PPL: variants seen among roughly 807,000 people sequenced by gnomAD.
PPL encodes the protein 190 kDa paraneoplastic pemphigus antigen.
Under a neutral mutation model 194.4 loss-of-function variants are expected in PPL, and 198 were observed. That is an observed-to-expected ratio of 1.02 (90% CI 0.91 to 1.15). PPL has a LOEUF of 1.15. Ranked by LOEUF, PPL falls within the 50% of genes most tolerant of loss-of-function variation. The probability of loss-of-function intolerance (pLI) is 0.00; values close to 1 mark genes in which losing one functional copy is unlikely to be tolerated. For synonymous variants in PPL, 1,220 were observed against 972.4 expected (o/e 1.25, Z -4.74); for missense variants, 2,885 against 2,294.8 (o/e 1.26, Z -5.25).
intron 3 of PPL, 144 bp downstream of exon 3, chr16:4,903,742 T>A: frequency 2.3e-6 from 2 of 868,186 alleles, no homozygotes; most frequent in Non-Finnish European, 3.5e-6. Context: ...AAAGAAAGGA[T>A]CATGTGAAGC....
At position 4,884,039 on chromosome 16, in the gene PPL, C is replaced by T. The variant is rs1055936921; in HGVS notation, c.4616G>A (p.Arg1539Gln). ...SKRELDVEVS[R>Q]LEARLSELEF... ...CAGCTCCGAAAGCCTGGCTTCCAGC[C>T]GGCTCACCTCGACGTCCAGCTCGCG... is the stretch of plus-strand genomic sequence containing the variant. Residue 1539 changes from arginine to glutamine, a missense_variant, in exon 22 of 22, where the codon CGG (arginine) becomes CAG (glutamine). Physicochemically the swap from Arg to Gln is conservative, Grantham distance 43. Transcript: ENST00000345988. This position sits in a 1 kb window ranked among gnomAD's most constrained non-coding sequence, Gnocchi z 5.7. 28 of 1,613,434 alleles carry T rather than the reference C, an allele frequency of 1.7e-5. No homozygotes were observed. Among genetic ancestry groups the T allele is most frequent in the East Asian group, 1.1e-4 (5 of 44,868 alleles).
chr16:4,884,729 G>C lies in PPL; in HGVS notation c.3926C>G (p.Ala1309Gly). 3 of 1,614,078 alleles carry C rather than the reference G, an allele frequency of 1.9e-6. No homozygotes were observed. The highest frequency in any genetic ancestry group is 3.3e-4 in the Middle Eastern group (2 of 6,062). The change falls in exon 22 of 22, where the codon GCG (alanine) becomes GGG (glycine). Residue 1309 changes from alanine (A) to glycine (G), a missense_variant. By Grantham distance (60) the Ala-to-Gly change is moderately conservative. Coordinates refer to ENST00000345988, the MANE Select transcript of PPL (RefSeq NM_002705.5). This position sits in a 1 kb window ranked among gnomAD's most constrained non-coding sequence, Gnocchi z 5.7. ...CTCTGAGAGCTTTGCCCTCAGAGAC[G>C]CCACCTCCTCCTTGGTTTGAGGGTC... Reference protein sequence around the residue: ...QEDPQTKEEVASLRAKLSEEQ... With the variant: ...QEDPQTKEEVGSLRAKLSEEQ...
chr16:4,926,933 C>G (rs1426685218), intron 1 of PPL, among the ~76,000 whole-genome samples: 1 of 148,144 alleles, frequency 6.8e-6, no homozygotes. Flanking sequence ...TCACTTACAC[C>G]AGGGTATTTT....
chr16:4,891,858 C>A lies in PPL; in HGVS notation c.1921G>T (p.Val641Leu). The change falls in exon 16 of 22, where the codon GTG becomes TTG. Residue 641 changes from valine to leucine, a missense_variant. Coordinates refer to ENST00000345988, the MANE Select transcript of PPL (RefSeq NM_002705.5). The stretch of plus-strand genomic sequence containing the variant: ...TCCAGGACACGGCTGCTCTCAGGCA[C>A]TGTGTCATCCTGATTCAGATGGTTC... ...HENHLNQDDTVPESSRVLDSK... is the reference protein window; with the variant it reads ...HENHLNQDDTLPESSRVLDSK... The A allele has an allele frequency of 6.2e-7, 1 of 1,613,536 alleles. No homozygotes were observed.
At chr16:4,922,525 G>T (rs182943835) in intron 1 of PPL, among the ~76,000 whole-genome samples, 209 of 152,298 alleles carry the variant, frequency 1.4e-3, no homozygotes, top group African/African-American at 4.8e-3. Context: ...AGCCGGGAAT[G>T]GTGGTGGGCA....
At chr16:4,890,671 G>A (rs1353380935) in intron 17 of PPL, 57 bp downstream of exon 17, 31 of 1,526,290 alleles carry the variant, frequency 2.0e-5, no homozygotes, top group Non-Finnish European at 2.6e-5. Context: ...ATTGCTTAGA[G>A]GGAATTAGAT....
At chr16:4,915,656 G>A (rs1342489890) in intron 1 of PPL, among the ~76,000 whole-genome samples, 1 of 152,196 alleles carries the variant, frequency 6.6e-6, no homozygotes, top group South Asian at 2.1e-4. Context: ...AGTTACTCAT[G>A]GGGATGCTAG....
chr16:4,934,219 G>A (rs374661262), intron 1 of PPL, among the ~76,000 whole-genome samples: 7 of 152,130 alleles, frequency 4.6e-5, no homozygotes, highest in Middle Eastern at 6.8e-3. Flanking sequence ...CCCGGGCAAC[G>A]GGAGCAACGG....
At chr16:4,903,852 GGCTCCCCT>G in intron 3 of PPL, 26 bp downstream of exon 3, 2 of 1,610,418 alleles carry the variant, frequency 1.2e-6, no homozygotes, top group Non-Finnish European at 1.7e-6. Flanking sequence ...AGCCCCCAAT[GGCTCCCCT>G]GGGGTAAGAA....
At chr16:4,904,071 AC>A in intron 2 of PPL, 31 bp from the exon 3 acceptor site, 1 of 1,600,094 alleles carries the variant, frequency 6.2e-7, no homozygotes, top group African/African-American at 1.3e-5. Flanking sequence ...GGGACAATGA[AC>A]AGGAGCCGAG....
intron 8 of PPL, among the ~76,000 whole-genome samples, chr16:4,898,035 G>A (rs919967693): frequency 2.0e-5 from 3 of 152,284 alleles, no homozygotes; most frequent in African/African-American, 7.2e-5. Context: ...TGGTGCCTTC[G>A]GCAAATCTGT....
chr16:4,901,457 T>C (rs866271362), intron 4 of PPL, among the ~76,000 whole-genome samples: 3 of 152,068 alleles, frequency 2.0e-5, no homozygotes, highest in South Asian at 2.1e-4. Flanking sequence ...GGGAGGCCAA[T>C]GGGGTCGGAT....
At chr16:4,915,816 G>A (rs142482251) in intron 1 of PPL, among the ~76,000 whole-genome samples, 329 of 152,242 alleles carry the variant, frequency 2.2e-3, no homozygotes, top group Non-Finnish European at 1.9e-3. Flanking sequence ...TATTATCCCC[G>A]TTTATGGGTG....
chr16:4,894,840 C>T (rs1302983806), intron 11 of PPL, among the ~76,000 whole-genome samples: 4 of 152,214 alleles, frequency 2.6e-5, no homozygotes, highest in African/African-American at 9.6e-5. Context: ...CCTCCCAATT[C>T]CCAGTCCCTG....
chr16:4,892,029 ACCCACTTCTCCTGGG>A lies in PPL; in HGVS notation c.1820_1829+5del, dbSNP rs1452214965. 2 of 1,612,320 alleles carry A rather than the reference ACCCACTTCTCCTGGG, an allele frequency of 1.2e-6. No individual in the cohort carries two copies. The highest frequency in any genetic ancestry group is 2.7e-5 in the African/African-American group (2 of 74,862). Reference sequence around the variant, plus strand: ...CCAACCTCCATGCTGCCTGTCTGCCACCCACTTCTCCTGGGCCAAGTCCAGCAGCTGCAGGAGGTG... The same window carrying A: ...CCAACCTCCATGCTGCCTGTCTGCCACCAAGTCCAGCAGCTGCAGGAGGTG... On this transcript the variant is annotated splice_donor_variant and splice_donor_5th_base_variant and coding_sequence_variant and intron_variant, in exon 15 of 22. Coordinates refer to ENST00000345988, the MANE Select transcript of PPL (RefSeq NM_002705.5). LOFTEE classifies it high-confidence loss of function.
chr16:4,899,520 C>T lies in PPL; in HGVS notation c.607-136G>A, dbSNP rs546022157. ...GCTATGGGTGGCCTGAGGACAAGCC[C>T]AGCTTAGCCACGTCCAGGCCAGTCC... is the stretch of plus-strand genomic sequence containing the variant. On this transcript the variant is annotated intron_variant, in intron 6 of 21. Transcript: ENST00000345988. 4.3e-6 allele frequency: 4 copies of T among 925,290 alleles called. No homozygotes were observed. The African/African-American group carries it at 4.9e-5, about 11-fold the overall frequency. 57.3% of individuals were successfully genotyped at this position (925,290 alleles called of 1,614,324 possible).
At position 4,893,371 on chromosome 16, in the gene PPL, C is replaced by T; in HGVS notation, c.1493-1G>A. ...TGCCGCCCCTGTAGGTCAGAGGCAT[C>T]TGTGGAGGGAGGGAGGACACAGGCA... On this transcript the variant is annotated splice_acceptor_variant, in intron 13 of 21. Transcript: ENST00000345988. LOFTEE classifies it high-confidence loss of function. The T allele has an allele frequency of 3.7e-6, 6 of 1,605,948 alleles. No homozygotes were observed. The highest frequency in any genetic ancestry group is 5.1e-6 in the Non-Finnish European group (6 of 1,179,558).
At position 4,893,209 on chromosome 16, in the gene PPL, G is replaced by T; in HGVS notation, c.1650+4C>A. The T allele has an allele frequency of 1.3e-6, 2 of 1,552,666 alleles. No individual in the cohort carries two copies. Among genetic ancestry groups the T allele is most frequent in the Non-Finnish European group, 1.7e-6 (2 of 1,151,824 alleles). On this transcript the variant is annotated splice_donor_region_variant and intron_variant, in intron 14 of 21. Transcript: ENST00000345988. Reference sequence around the variant, plus strand: ...CCCCACCTGTGCTCCTGACCCGCAGGTACCTTGAGGTCCTTGGCCCGCTCG... The same window carrying T: ...CCCCACCTGTGCTCCTGACCCGCAGTTACCTTGAGGTCCTTGGCCCGCTCG...
chr16:4,883,587 T>G lies in PPL; in HGVS notation c.5068A>C (p.Ser1690Arg). 2 of 1,614,180 alleles carry G rather than the reference T, an allele frequency of 1.2e-6. No homozygotes were observed. The highest frequency in any genetic ancestry group is 1.7e-4 in the Middle Eastern group (1 of 6,060). The change falls in exon 22 of 22, where the codon AGC becomes CGC. Residue 1690 changes from serine to arginine, a missense_variant. Coordinates refer to ENST00000345988, the MANE Select transcript of PPL (RefSeq NM_002705.5). The surrounding 1 kb of genome is among the most constrained non-coding windows in gnomAD (Gnocchi z 4.8). ...IDWNMFVKLR[S>R]QECDWEEISV... ...ATCTCCTCCCAGTCGCACTCCTGGC[T>G]TCTGAGTTTCACGAACATGTTCCAG...
Sources: allele counts gnomAD v4.1 joint callset (sites outside exome capture counted in the v4.1 genomes callset), GRCh38; gene constraint gnomAD v4.1.1; non-coding constraint Gnocchi (gnomAD v3.1); transcripts MANE v1.5; gene names NCBI Gene and HGNC (gene_info 2026-07-23, HGNC 2026-07-21).